MYO1E: variants seen among roughly 807,000 people sequenced by gnomAD.
MYO1E encodes the protein unconventional myosin-Ie.
MYO1E carries 68 observed loss-of-function variants against 151.1 expected under a neutral mutation model. The observed-to-expected ratio is 0.45, with a 90% CI of 0.37 to 0.55. MYO1E has a LOEUF of 0.55. MYO1E is among the 20% of genes least tolerant of loss of function. The probability of loss-of-function intolerance (pLI) is 0.00; values close to 1 mark genes in which losing one functional copy is unlikely to be tolerated. For synonymous variants in MYO1E, 601 were observed against 501.7 expected (o/e 1.20, Z -2.64); for missense variants, 1,363 against 1,389.3 (o/e 0.98, Z 0.30).
At chr15:59,279,372 G>A (rs1436872956) in intron 1 of MYO1E, among the ~76,000 whole-genome samples, 1 of 152,290 alleles carries the variant, frequency 6.6e-6, no homozygotes, top group South Asian at 2.1e-4. Flanking sequence ...CACTTTTGAT[G>A]CAGAAGAGAG....
At chr15:59,186,072 C>T (rs947086779) in intron 18 of MYO1E, among the ~76,000 whole-genome samples, 7 of 152,128 alleles carry the variant, frequency 4.6e-5, no homozygotes, top group Non-Finnish European at 8.8e-5. Context: ...CTACAAATAC[C>T]TTTTCTCAAC....
intron 23 of MYO1E, among the ~76,000 whole-genome samples, chr15:59,162,880 A>G (rs1158930626): frequency 2.6e-5 from 4 of 152,156 alleles, no homozygotes; most frequent in Non-Finnish European, 5.9e-5. Flanking sequence ...ATACATAAAA[A>G]TCTGCCTTTG....
chr15:59,218,660 G>C (rs1312854387), intron 9 of MYO1E, among the ~76,000 whole-genome samples: 3 of 152,144 alleles, frequency 2.0e-5, no homozygotes, highest in Non-Finnish European at 2.9e-5. Context: ...ATCTAGATGA[G>C]GCAAAAATAG....
intron 1 of MYO1E, among the ~76,000 whole-genome samples, chr15:59,291,964 C>A (rs901583609): frequency 5.9e-5 from 9 of 152,144 alleles, no homozygotes; most frequent in Admixed American, 6.6e-5. Flanking sequence ...TTCCAACTCT[C>A]ATTCTAAGGA....
rs932089602 is a variant in MYO1E at position 59,320,011 on chromosome 15, T to G, written c.4-47562A>C. Reference sequence around the variant, plus strand: ...TACAATATCAGCATACAGAAATCAGTAGCATTTCTATACACCAATGACATT... The same window carrying G: ...TACAATATCAGCATACAGAAATCAGGAGCATTTCTATACACCAATGACATT... On this transcript the variant is annotated intron_variant, in intron 1 of 27. Coordinates refer to ENST00000288235, the MANE Select transcript of MYO1E (RefSeq NM_004998.4). Among the ~76,000 whole-genome samples the G allele has an allele frequency of 3.9e-5, 6 of 152,292 alleles. No individual in the cohort carries two copies. In the East Asian group the frequency reaches 9.6e-4, roughly 24 times the overall value.
chr15:59,209,411 C>T (rs1596366701), intron 13 of MYO1E, among the ~76,000 whole-genome samples: 1 of 151,554 alleles, frequency 6.6e-6, no homozygotes, highest in African/African-American at 2.4e-5. Flanking sequence ...GGCATGGTGG[C>T]TCATGCCTGT....
chr15:59,367,505 ACAGG>A (rs1329733631), intron 1 of MYO1E, among the ~76,000 whole-genome samples: 4 of 152,226 alleles, frequency 2.6e-5, no homozygotes, highest in Non-Finnish European at 4.4e-5. Flanking sequence ...ACCATCCTAC[ACAGG>A]TGTTGAGATA....
chr15:59,154,075 C>T (rs2079496907), intron 25 of MYO1E, among the ~76,000 whole-genome samples: 1 of 152,154 alleles, frequency 6.6e-6, no homozygotes, highest in Non-Finnish European at 1.5e-5. Context: ...GGGATGTGCC[C>T]GGAACACAGC....
chr15:59,273,302 T>G (rs902012324), intron 1 of MYO1E, among the ~76,000 whole-genome samples: 2 of 152,214 alleles, frequency 1.3e-5, no homozygotes, highest in Non-Finnish European at 2.9e-5. Context: ...GGGTCCCCCA[T>G]GTGTTCAGCT....
At chr15:59,256,988 GA>G (rs1307070686) in intron 3 of MYO1E, among the ~76,000 whole-genome samples, 2 of 150,842 alleles carry the variant, frequency 1.3e-5, no homozygotes, top group Non-Finnish European at 3.0e-5. Context: ...ATCTCTATTG[GA>G]AAAAAAAATC....
intron 27 of MYO1E, 78 bp downstream of exon 27, chr15:59,138,120 A>T: frequency 6.4e-7 from 1 of 1,560,452 alleles, no homozygotes. Context: ...AATTCTTTTC[A>T]TTTTCACACT....
chr15:59,325,074 C>T (rs1302465317), intron 1 of MYO1E, among the ~76,000 whole-genome samples: 1 of 151,172 alleles, frequency 6.6e-6, no homozygotes, highest in South Asian at 2.1e-4. Flanking sequence ...CTCGCTCTAT[C>T]GCCAGGCTGG....
intron 18 of MYO1E, among the ~76,000 whole-genome samples, chr15:59,181,523 T>C (rs1454090599): frequency 2.0e-5 from 3 of 152,254 alleles, no homozygotes; most frequent in African/African-American, 7.2e-5. Context: ...TTCCTACTAC[T>C]GCTTCAAGTA....
At chr15:59,221,049 C>T (rs78281942) in intron 9 of MYO1E, among the ~76,000 whole-genome samples, 4 of 140,556 alleles carry the variant, frequency 2.8e-5, no homozygotes, top group Non-Finnish European at 4.6e-5. Context: ...TATATATATA[C>T]ACACACATAA....
At chr15:59,271,406 C>T (rs530192589) in intron 2 of MYO1E, among the ~76,000 whole-genome samples, 15 of 152,300 alleles carry the variant, frequency 9.8e-5, no homozygotes, top group African/African-American at 3.6e-4. Flanking sequence ...CTATTGGCAT[C>T]AAAGTTAAAC....
At chr15:59,365,211 G>A (rs2080906461) in intron 1 of MYO1E, among the ~76,000 whole-genome samples, 1 of 151,878 alleles carries the variant, frequency 6.6e-6, no homozygotes, top group South Asian at 2.1e-4. Context: ...TAGAGACAGG[G>A]TTTCACCATG....
chr15:59,161,196 G>A lies in MYO1E; in HGVS notation c.2662C>T (p.Pro888Ser), dbSNP rs1310802134. The change falls in exon 24 of 28, where the codon CCC becomes TCC. Residue 888 changes from proline (P) to serine (S), a missense_variant. Physicochemically the swap from Pro to Ser is moderately conservative, Grantham distance 74 (BLOSUM62 -1). Transcript: ENST00000288235. ...TGCCGGGAGCCCCCTGCACTCCAGG[G>A]GCCCCAGTTTTCCTTTTTCAACTTC... The part of the protein sequence containing the change: ...ELKLKKENWG[P>S]WSAGGSRQVQ... 2 of 1,613,828 alleles carry A rather than the reference G, an allele frequency of 1.2e-6. No homozygotes were observed. The highest frequency in any genetic ancestry group is 2.7e-5 in the African/African-American group (2 of 74,898).
chr15:59,202,319 A>C lies in MYO1E; in HGVS notation c.1698+7T>G. The C allele has an allele frequency of 6.2e-7, 1 of 1,612,310 alleles. No individual in the cohort carries two copies. The highest frequency in any genetic ancestry group is 1.3e-5 in the African/African-American group (1 of 74,904). On this transcript the variant is annotated splice_region_variant and intron_variant, in intron 16 of 27. Coordinates refer to ENST00000288235, the MANE Select transcript of MYO1E (RefSeq NM_004998.4). ...AGAATCTATAAACTTCCTAAAATAG[A>C]ACTAACCTTTATTTTGCTTCCGGCA...
intron 4 of MYO1E, among the ~76,000 whole-genome samples, chr15:59,245,510 A>T (rs1240620484): frequency 6.6e-6 from 1 of 152,156 alleles, no homozygotes; most frequent in African/African-American, 2.4e-5. Context: ...AAAAGTATTT[A>T]TTTAGCTTCT....
Sources: gnomAD v4.1 joint callset for allele counts (sites outside exome capture counted in the v4.1 genomes callset) on GRCh38, gnomAD v4.1.1 for gene constraint, MANE v1.5 for transcripts, NCBI Gene and HGNC (gene_info 2026-07-23, HGNC 2026-07-21) for gene names.